The following CDH18 variants were observed in gnomAD, a reference collection of about 807,000 sequenced individuals.
CDH18 encodes cadherin-18.
In CDH18, 31 loss-of-function variants were observed where a neutral mutation model predicts 67.9. The ratio of observed to expected loss-of-function variants is 0.46; its 90% CI spans 0.34 to 0.62. The LOEUF (loss-of-function observed/expected upper bound fraction) is 0.62. Among genes scored for constraint, CDH18 ranks in the 20% least tolerant of loss-of-function variants. The pLI, the probability that CDH18 is intolerant of heterozygous loss-of-function variation, is 0.01. For synonymous variants in CDH18, 362 were observed against 347.2 expected (o/e 1.04, Z -0.48); for missense variants, 890 against 975.5 (o/e 0.91, Z 1.17).
At chr5:20,143,769 GC>G (rs1750427184) in intron 2 of CDH18, among the ~76,000 whole-genome samples, 1 of 152,158 alleles carries the variant, frequency 6.6e-6, no homozygotes, top group African/African-American at 2.4e-5. Flanking sequence ...AAGATCAATT[GC>G]TAAGCAAGAA....
rs143312231 is a variant in CDH18 at position 19,563,392 on chromosome 5, T to C, written c.1253+8187A>G. Among the ~76,000 whole-genome samples the C allele has an allele frequency of 4.6e-3, 703 of 152,278 alleles. 5 individuals carry two copies. Among genetic ancestry groups the C allele is most frequent in the Non-Finnish European group, 7.6e-3 (520 of 68,026 alleles). On this transcript the variant is annotated intron_variant, in intron 8 of 12. Transcript: ENST00000382275. ...TGTTGTGAAACAGTTTATGGAATGA[T>C]ATATAAGGTCCATGGCCAACAGACA...
At position 19,938,833 on chromosome 5, in the gene CDH18, T is replaced by C. The variant is rs1794538563; in HGVS notation, c.-257+42227A>G. Among the ~76,000 whole-genome samples the C allele has an allele frequency of 2.0e-5, 3 of 151,520 alleles. No individual in the cohort carries two copies. In the South Asian group the frequency reaches 6.2e-4, roughly 31 times the overall value. On this transcript the variant is annotated intron_variant, in intron 2 of 12. Coordinates refer to ENST00000382275, the MANE Select transcript of CDH18 (RefSeq NM_004934.5). ...CAATAGTTATAAATTTAATTTTTAA[T>C]GTACTTAAATACATTTGGAGCATTT...
At chr5:19,503,986 G>C (rs1743681334) in intron 10 of CDH18, among the ~76,000 whole-genome samples, 1 of 151,578 alleles carries the variant, frequency 6.6e-6, no homozygotes, top group Non-Finnish European at 1.5e-5. Context: ...TCCTGTTTCT[G>C]AAATACATTG....
chr5:19,801,827 T>A (rs1199991560), intron 3 of CDH18, among the ~76,000 whole-genome samples: 1 of 152,158 alleles, frequency 6.6e-6, no homozygotes, highest in Non-Finnish European at 1.5e-5. Flanking sequence ...CACAGCTGCA[T>A]TACTTATTGA....
At chr5:20,130,783 A>T (rs1237778260) in intron 2 of CDH18, among the ~76,000 whole-genome samples, 1 of 152,002 alleles carries the variant, frequency 6.6e-6, no homozygotes, top group Non-Finnish European at 1.5e-5. Context: ...AATATAAGTA[A>T]TATTTTATTC....
At chr5:20,378,930 T>A (rs1743682317) in intron 1 of CDH18, among the ~76,000 whole-genome samples, 1 of 152,106 alleles carries the variant, frequency 6.6e-6, no homozygotes, top group Non-Finnish European at 1.5e-5. Flanking sequence ...TCCTACAGTA[T>A]CCAGAAATAT....
chr5:20,276,899 G>A (rs944481769), intron 1 of CDH18, among the ~76,000 whole-genome samples: 1 of 152,104 alleles, frequency 6.6e-6, no homozygotes, highest in African/African-American at 2.4e-5. Context: ...ACAGGCCTGT[G>A]GTGGTAGTGA....
At chr5:19,836,500 C>CAGGGTGTTTT (rs1781654113) in intron 3 of CDH18, among the ~76,000 whole-genome samples, 3 of 152,110 alleles carry the variant, frequency 2.0e-5, no homozygotes, top group African/African-American at 4.8e-5. Context: ...CCTTTGCCTA[C>CAGGGTGTTTT]TTTTTGAAGG....
chr5:19,691,699 C>A (rs1328539355), intron 5 of CDH18, among the ~76,000 whole-genome samples: 9 of 151,640 alleles, frequency 5.9e-5, no homozygotes, highest in African/African-American at 2.2e-4. Flanking sequence ...AAAATAAAAA[C>A]CACAAAGCAC....
At chr5:19,525,788 A>G (rs1031689202) in intron 9 of CDH18, among the ~76,000 whole-genome samples, 2 of 152,186 alleles carry the variant, frequency 1.3e-5, no homozygotes, top group Admixed American at 6.5e-5. Context: ...TCCTTGGGTC[A>G]GTATTTTACC....
At chr5:19,806,690 TGTTA>T (rs920827428) in intron 3 of CDH18, among the ~76,000 whole-genome samples, 1 of 152,220 alleles carries the variant, frequency 6.6e-6, no homozygotes, top group Non-Finnish European at 1.5e-5. Flanking sequence ...TCAATCATTA[TGTTA>T]AAGTAAGCAA....
chr5:19,533,889 G>A, intron 9 of CDH18, among the ~76,000 whole-genome samples: 1 of 151,994 alleles, frequency 6.6e-6, no homozygotes, highest in African/African-American at 2.4e-5. Flanking sequence ...TAAAGAAATT[G>A]GAAGAGGTAT....
intron 2 of CDH18, among the ~76,000 whole-genome samples, chr5:19,950,286 C>T (rs1795666217): frequency 6.6e-6 from 1 of 151,890 alleles, no homozygotes; most frequent in Non-Finnish European, 1.5e-5. Flanking sequence ...AACCAAACAT[C>T]GTTATGTTCG....
At chr5:19,671,109 A>C (rs1189509557) in intron 5 of CDH18, among the ~76,000 whole-genome samples, 1 of 152,122 alleles carries the variant, frequency 6.6e-6, no homozygotes, top group Admixed American at 6.6e-5. Flanking sequence ...ATAGGTAAGA[A>C]ATAAAAATTT....
chr5:20,433,199 G>A (rs1748902085), intron 1 of CDH18, among the ~76,000 whole-genome samples: 1 of 150,444 alleles, frequency 6.6e-6, no homozygotes, highest in Admixed American at 6.7e-5. Flanking sequence ...ACAGTATTTG[G>A]GATAAAGCTC....
chr5:20,341,259 G>A (rs1318145982), intron 1 of CDH18, among the ~76,000 whole-genome samples: 2 of 152,060 alleles, frequency 1.3e-5, no homozygotes, highest in Non-Finnish European at 1.5e-5. Context: ...CCTTAATCGG[G>A]TGAGCACCAT....
At chr5:20,075,242 C>T (rs1319598701) in intron 2 of CDH18, among the ~76,000 whole-genome samples, 1 of 152,140 alleles carries the variant, frequency 6.6e-6, no homozygotes, top group African/African-American at 2.4e-5. Context: ...CAGTGGATCA[C>T]ACCTGTAATC....
intron 2 of CDH18, among the ~76,000 whole-genome samples, chr5:20,076,485 T>A (rs1743949670): frequency 6.6e-6 from 1 of 152,104 alleles, no homozygotes; most frequent in Non-Finnish European, 1.5e-5. Flanking sequence ...TAATCATGTC[T>A]TTTAAAATAA....
chr5:20,333,364 G>T (rs577731407), intron 1 of CDH18, among the ~76,000 whole-genome samples: 1 of 151,818 alleles, frequency 6.6e-6, no homozygotes, highest in African/African-American at 2.4e-5. Flanking sequence ...AAAATTAGCT[G>T]GGCATGGTGG....
Sources: gnomAD v4.1 joint callset for allele counts (sites outside exome capture counted in the v4.1 genomes callset) on GRCh38, gnomAD v4.1.1 for gene constraint, MANE v1.5 for transcripts, NCBI Gene and HGNC (gene_info 2026-07-23, HGNC 2026-07-21) for gene names.